Variants in NXN observed in about 807,000 individuals in gnomAD.
NXN encodes nucleoredoxin 1.
NXN carries 16 observed loss-of-function variants against 48.6 expected under a neutral mutation model. The observed-to-expected ratio is 0.33, with a 90% CI of 0.22 to 0.50. The LOEUF (loss-of-function observed/expected upper bound fraction) is 0.50. Among genes scored for constraint, NXN ranks in the 20% least tolerant of loss-of-function variants. The probability of loss-of-function intolerance (pLI) is 0.98; values close to 1 mark genes in which losing one functional copy is unlikely to be tolerated. For synonymous variants in NXN, 281 were observed against 269.6 expected (o/e 1.04, Z -0.41); for missense variants, 492 against 605.5 (o/e 0.81, Z 1.97).
intron 1 of NXN, among the ~76,000 whole-genome samples, chr17:835,273 A>C (rs539937763): frequency 2.0e-5 from 3 of 149,516 alleles, no homozygotes; most frequent in East Asian, 2.0e-4. Flanking sequence ...GTGCCACTGC[A>C]CTCCAGCCTG....
Position 808,305 on chromosome 17 carries a change from AT to A in NXN, c.821-3059del, listed in dbSNP as rs10644625. On this transcript the variant is annotated intron_variant, in intron 5 of 7. Transcript: ENST00000336868. ...TTGAAGCAGGTTCTCTGAAATACAC[AT>A]TTTTTTTTTTTTTTTAGACGCAGTC... Among the ~76,000 whole-genome samples, 411 of 140,334 alleles carry A rather than the reference AT, an allele frequency of 2.9e-3. 2 individuals carry two copies. The highest frequency in any genetic ancestry group is 0.011 in the Middle Eastern group (3 of 268). 92.1% of individuals were successfully genotyped at this position (140,334 alleles called of 152,430 possible).
At chr17:861,388 C>T (rs2068038920) in intron 1 of NXN, among the ~76,000 whole-genome samples, 1 of 152,186 alleles carries the variant, frequency 6.6e-6, no homozygotes, top group South Asian at 2.1e-4. Context: ...CCCACCTCGG[C>T]CTCCCACAGT....
intron 1 of NXN, among the ~76,000 whole-genome samples, chr17:898,274 A>G (rs956476183): frequency 3.9e-5 from 6 of 152,128 alleles, no homozygotes; most frequent in African/African-American, 1.4e-4. Flanking sequence ...CCCTGGGGGA[A>G]AAACTGCCCC....
rs528401544 is a variant in NXN at position 831,092 on chromosome 17, G to A, written c.361-5014C>T. On this transcript the variant is annotated intron_variant, in intron 1 of 7. Transcript: ENST00000336868. ...CGAAAACTGCAAGAACAATGTGCTT[G>A]AACAGGAAAAAGGGCGAGACCTAGA... Among the ~76,000 whole-genome samples the A allele has an allele frequency of 4.5e-4, 69 of 151,968 alleles. 1 individual carries two copies. Among genetic ancestry groups the A allele is most frequent in the Non-Finnish European group, 5.1e-4 (35 of 67,994 alleles).
chr17:805,020 T>TACC, intron 6 of NXN, 48 bp downstream of exon 6: 3 of 1,512,884 alleles, frequency 2.0e-6, no homozygotes, highest in Non-Finnish European at 2.7e-6. Context: ...GCCCCTCCTG[T>TACC]CCCGCCCCCC....
intron 1 of NXN, among the ~76,000 whole-genome samples, chr17:944,274 G>T (rs6598840): frequency 0.69 from 104,413 of 152,114 alleles, 36,389 homozygotes; most frequent in Middle Eastern, 0.8. Context: ...TACCAGCTAC[G>T]CAGCCTGTTT....
intron 1 of NXN, among the ~76,000 whole-genome samples, chr17:852,197 C>A (rs2067930993): frequency 6.6e-6 from 1 of 152,212 alleles, no homozygotes; most frequent in African/African-American, 2.4e-5. Context: ...CTGGCTTAGT[C>A]CCAGCTCTTC....
Position 805,051 on chromosome 17 carries a change from C to A in NXN, c.1000+17G>T. 4 of 1,556,776 alleles carry A rather than the reference C, an allele frequency of 2.6e-6. No homozygotes were observed. The highest frequency in any genetic ancestry group is 3.5e-6 in the Non-Finnish European group (4 of 1,151,476). On this transcript the variant is annotated intron_variant, in intron 6 of 7. Transcript: ENST00000336868. ...CCCCCAGCCACCCCTCGCCCCCTGC[C>A]CCCGTGAGCTTCATACCTACAAAAA...
chr17:962,258 A>C (rs1242264984), intron 1 of NXN, among the ~76,000 whole-genome samples: 2 of 152,196 alleles, frequency 1.3e-5, no homozygotes, highest in Non-Finnish European at 2.9e-5. Flanking sequence ...TTCCTGAGAC[A>C]CTGCAGGTGA....
At chr17:957,908 C>T (rs1473455278) in intron 1 of NXN, among the ~76,000 whole-genome samples, 1 of 152,202 alleles carries the variant, frequency 6.6e-6, no homozygotes, top group Non-Finnish European at 1.5e-5. Context: ...TCCACGTCAG[C>T]ATCGCCCAGA....
At chr17:969,235 C>T (rs114935329) in intron 1 of NXN, among the ~76,000 whole-genome samples, 192 of 152,274 alleles carry the variant, frequency 1.3e-3, no homozygotes, top group African/African-American at 4.5e-3. Context: ...AACAACCACC[C>T]TAAGAGGCTG....
intron 1 of NXN, among the ~76,000 whole-genome samples, chr17:841,509 G>T (rs76745347): frequency 1.2e-4 from 2 of 16,158 alleles, no homozygotes; most frequent in African/African-American, 3.2e-4. Flanking sequence ...CATCTCACAC[G>T]GGCGAGCAGG....
In NXN at chr17:823,864, G is replaced by A. The variant is rs567999839; in HGVS notation, c.479-99C>T. On this transcript the variant is annotated intron_variant, in intron 2 of 7. Transcript: ENST00000336868. ...CGGTTAAGACTCTTCTTGATGACCTGGGACCCGGGAGACCTCAGAGCGGCA... is the reference window on the plus strand; with the variant it reads ...CGGTTAAGACTCTTCTTGATGACCTAGGACCCGGGAGACCTCAGAGCGGCA... 412 of 1,283,758 alleles carry A rather than the reference G, an allele frequency of 3.2e-4. 3 individuals are homozygous for A. The South Asian group carries it at 5.2e-3, about 16-fold the overall frequency. 79.5% of individuals were successfully genotyped at this position (1,283,758 alleles called of 1,614,324 possible).
At chr17:816,863 G>C (rs1432836033) in intron 5 of NXN, among the ~76,000 whole-genome samples, 1 of 152,140 alleles carries the variant, frequency 6.6e-6, no homozygotes, top group Non-Finnish European at 1.5e-5. Flanking sequence ...CACTGGCGTA[G>C]GGGCATCCCG....
chr17:923,150 C>A (rs956797561), intron 1 of NXN, among the ~76,000 whole-genome samples: 1 of 152,114 alleles, frequency 6.6e-6, no homozygotes, highest in Non-Finnish European at 1.5e-5. Flanking sequence ...GGGACCACCA[C>A]CTGGACGGCG....
intron 1 of NXN, chr17:896,919 ATTC>A (rs1388508115): frequency 1.4e-5 from 17 of 1,246,834 alleles, no homozygotes; most frequent in Non-Finnish European, 1.7e-5. Context: ...CACACACAAT[ATTC>A]TTCTTTTTTT....
At chr17:900,744 A>C (rs908228350) in intron 1 of NXN, among the ~76,000 whole-genome samples, 3 of 152,128 alleles carry the variant, frequency 2.0e-5, no homozygotes, top group Non-Finnish European at 2.9e-5. Flanking sequence ...CGGCCAAAAA[A>C]AAAGTACCTT....
intron 1 of NXN, among the ~76,000 whole-genome samples, chr17:962,782 A>G (rs2069252349): frequency 6.6e-6 from 1 of 152,156 alleles, no homozygotes; most frequent in Non-Finnish European, 1.5e-5. Context: ...TGCGCTTGGA[A>G]GCGGAGACTG....
intron 1 of NXN, among the ~76,000 whole-genome samples, chr17:918,451 T>C (rs2068712671): frequency 6.6e-6 from 1 of 152,106 alleles, no homozygotes; most frequent in Non-Finnish European, 1.5e-5. Flanking sequence ...CCCGAGTCAA[T>C]CACTCACTTT....
Sources: gnomAD v4.1 joint callset for allele counts (sites outside exome capture counted in the v4.1 genomes callset) on GRCh38, gnomAD v4.1.1 for gene constraint, MANE v1.5 for transcripts, NCBI Gene and HGNC (gene_info 2026-07-23, HGNC 2026-07-21) for gene names.